Variants in TBCK observed in about 807,000 individuals in gnomAD.
The protein encoded by TBCK is TBC1 domain containing kinase.
A neutral mutation model predicts 113.4 loss-of-function variants in TBCK; 99 were observed. That is an observed-to-expected ratio of 0.87 (90% CI 0.74 to 1.03). The LOEUF is 1.03. Ranked by LOEUF, TBCK falls within the 50% of genes least tolerant of loss-of-function variation. TBCK has a pLI of 0.00. For synonymous variants in TBCK, 369 were observed against 370.8 expected (o/e 1.00, Z 0.05); for missense variants, 1,045 against 1,061.3 (o/e 0.98, Z 0.21).
intron 2 of TBCK, among the ~76,000 whole-genome samples, chr4:106,301,494 A>G (rs1023816606): frequency 6.6e-6 from 1 of 152,130 alleles, no homozygotes; most frequent in African/African-American, 2.4e-5. Context: ...TTTTTCTCCT[A>G]AAGATATTTT....
At chr4:106,098,580 A>C (rs956696648) in intron 24 of TBCK, among the ~76,000 whole-genome samples, 3 of 152,076 alleles carry the variant, frequency 2.0e-5, no homozygotes, top group Non-Finnish European at 4.4e-5. Context: ...AAAAGATAAA[A>C]AACATCATTA....
intron 6 of TBCK, 95 bp downstream of exon 6, chr4:106,251,771 A>G: frequency 2.6e-6 from 3 of 1,133,572 alleles, no homozygotes; most frequent in Non-Finnish European, 3.5e-6. Flanking sequence ...TAATTTGTAC[A>G]GCAAAAACAT....
At chr4:106,052,223 G>C (rs570156006) in intron 25 of TBCK, among the ~76,000 whole-genome samples, 65 of 151,858 alleles carry the variant, frequency 4.3e-4, no homozygotes, top group African/African-American at 1.6e-3. Context: ...ACCAGCAGCA[G>C]AGCAAAGCCA....
At chr4:106,266,762 A>T (rs1449813308) in intron 3 of TBCK, among the ~76,000 whole-genome samples, 1 of 151,940 alleles carries the variant, frequency 6.6e-6, no homozygotes, top group Non-Finnish European at 1.5e-5. Context: ...AAAGAGGAAC[A>T]AAAAATGCTA....
chr4:106,064,805 T>C (rs1736439542), intron 25 of TBCK, among the ~76,000 whole-genome samples: 1 of 152,020 alleles, frequency 6.6e-6, no homozygotes, highest in Admixed American at 6.6e-5. Flanking sequence ...TATTCTATGT[T>C]GTTGGCCAGT....
chr4:106,291,412 C>A (rs907798654), intron 3 of TBCK, among the ~76,000 whole-genome samples: 1 of 152,184 alleles, frequency 6.6e-6, no homozygotes. Context: ...AAAGAAAATA[C>A]CAACAGTCCT....
chr4:106,217,477 T>G (rs1386901145), intron 19 of TBCK, among the ~76,000 whole-genome samples: 1 of 152,188 alleles, frequency 6.6e-6, no homozygotes, highest in Non-Finnish European at 1.5e-5. Context: ...CCCCATTGTC[T>G]CAGCCCCAAA....
chr4:106,179,668 A>G (rs1752105070), intron 22 of TBCK, among the ~76,000 whole-genome samples: 1 of 152,072 alleles, frequency 6.6e-6, no homozygotes, highest in African/African-American at 2.4e-5. Context: ...CACAGGGTCC[A>G]TCTTGGAGAA....
chr4:106,217,565 A>G (rs1169992638), intron 19 of TBCK, among the ~76,000 whole-genome samples: 3 of 152,004 alleles, frequency 2.0e-5, no homozygotes, highest in African/African-American at 7.2e-5. Context: ...GCATTCCTAT[A>G]CACCAACAAC....
At chr4:106,048,203 A>C (rs956954508) in intron 25 of TBCK, among the ~76,000 whole-genome samples, 1 of 152,146 alleles carries the variant, frequency 6.6e-6, no homozygotes, top group Non-Finnish European at 1.5e-5. Flanking sequence ...TCTTAAGTCA[A>C]AAGGATAAAG....
intron 20 of TBCK, among the ~76,000 whole-genome samples, chr4:106,198,636 T>C (rs1754527948): frequency 6.6e-6 from 1 of 152,278 alleles, no homozygotes; most frequent in South Asian, 2.1e-4. Flanking sequence ...TATAATATAG[T>C]TGTATTATAT....
At position 106,056,244 on chromosome 4, in the gene TBCK, G is replaced by A. The variant is rs566483553; in HGVS notation, c.2572-9564C>T. Among the ~76,000 whole-genome samples, 61 of 150,314 alleles carry A rather than the reference G, an allele frequency of 4.1e-4. 1 individual carries two copies. Among genetic ancestry groups the A allele is most frequent in the South Asian group, 1.3e-3 (6 of 4,738 alleles). ...AACCTCCCCAAACACCCAACCTGGA[G>A]ACTTTAAGGTCTTTTTTTAATTAAT... On this transcript the variant is annotated intron_variant, in intron 25 of 25. Coordinates refer to ENST00000394708, the MANE Select transcript of TBCK (RefSeq NM_001163435.3).
chr4:106,219,884 A>G (rs1757471361), intron 19 of TBCK, among the ~76,000 whole-genome samples: 1 of 152,174 alleles, frequency 6.6e-6, no homozygotes, highest in African/African-American at 2.4e-5. Context: ...TCATAATCAC[A>G]ACTTTCTCCT....
chr4:106,049,366 C>T (rs1182971508), intron 25 of TBCK, among the ~76,000 whole-genome samples: 1 of 151,972 alleles, frequency 6.6e-6, no homozygotes, highest in Non-Finnish European at 1.5e-5. Flanking sequence ...TTAACAGGGG[C>T]TGGGGAGCTG....
chr4:106,232,791 G>C, intron 17 of TBCK, 147 bp downstream of exon 17: 4 of 676,638 alleles, frequency 5.9e-6, no homozygotes, highest in Non-Finnish European at 9.3e-6. Context: ...AAAATGTTTG[G>C]ATGTAAACCT....
intron 23 of TBCK, among the ~76,000 whole-genome samples, chr4:106,162,193 C>T (rs1177087753): frequency 2.0e-5 from 3 of 152,128 alleles, no homozygotes; most frequent in African/African-American, 4.8e-5. Context: ...AGCAGGGCAG[C>T]CAGATCTTAA....
rs987665865 is a variant in TBCK, at chr4:106,141,212, G to A, written c.2236-24834C>T. Among the ~76,000 whole-genome samples the A allele has an allele frequency of 1.4e-5, 2 of 140,050 alleles. 1 individual carries two copies. The highest frequency in any genetic ancestry group is 3.2e-5 in the Non-Finnish European group (2 of 61,780). 91.9% of individuals were successfully genotyped at this position (140,050 alleles called of 152,430 possible). On this transcript the variant is annotated intron_variant, in intron 23 of 25. Coordinates refer to ENST00000394708, the MANE Select transcript of TBCK (RefSeq NM_001163435.3). ...ATTAAATAATAGAAAGATATAAGAT[G>A]TATAAAATTGAAAAAGGTAAAATTA...
chr4:106,062,440 G>A (rs1328172238), intron 25 of TBCK, among the ~76,000 whole-genome samples: 2 of 151,810 alleles, frequency 1.3e-5, no homozygotes, highest in Non-Finnish European at 2.9e-5. Flanking sequence ...GCATTTATCA[G>A]CTTCTGTTTA....
chr4:106,050,359 A>G (rs1734672111), intron 25 of TBCK, among the ~76,000 whole-genome samples: 1 of 152,058 alleles, frequency 6.6e-6, no homozygotes, highest in Non-Finnish European at 1.5e-5. Flanking sequence ...GGACAGATAC[A>G]GAACACTAAT....
Sources: allele counts gnomAD v4.1 joint callset (sites outside exome capture counted in the v4.1 genomes callset), GRCh38; gene constraint gnomAD v4.1.1; transcripts MANE v1.5; gene names NCBI Gene and HGNC (gene_info 2026-07-23, HGNC 2026-07-21).